The following SLC12A2 variants were observed in gnomAD, a reference collection of about 807,000 sequenced individuals.
SLC12A2 encodes solute carrier family 12 member 2.
SLC12A2 carries 67 observed loss-of-function variants against 136.3 expected under a neutral mutation model. The observed-to-expected ratio is 0.49, with a 90% confidence interval of 0.40 to 0.60. SLC12A2 has a LOEUF of 0.60. Ranked by LOEUF, SLC12A2 falls within the 20% of genes least tolerant of loss-of-function variation. The probability of loss-of-function intolerance (pLI) is 0.00; values close to 1 mark genes in which losing one functional copy is unlikely to be tolerated. For missense variants in SLC12A2, 1,322 were observed against 1,534.7 expected (o/e 0.86, Z 2.32); for synonymous variants, 619 against 562.9 (o/e 1.10, Z -1.41).
At chr5:128,111,808 A>G (rs184856361) in intron 1 of SLC12A2, among the ~76,000 whole-genome samples, 3 of 131,486 alleles carry the variant, frequency 2.3e-5, no homozygotes, top group South Asian at 2.3e-4. Context: ...ATGTGTGTGT[A>G]TATACGTGTG....
chr5:128,122,496 A>G (rs1195073166), intron 4 of SLC12A2, among the ~76,000 whole-genome samples: 1 of 152,192 alleles, frequency 6.6e-6, no homozygotes, highest in Non-Finnish European at 1.5e-5. Flanking sequence ...TAACATTTAC[A>G]TGGATAGTGA....
intron 7 of SLC12A2, among the ~76,000 whole-genome samples, chr5:128,137,010 C>G (rs1350847883): frequency 6.6e-6 from 1 of 152,108 alleles, no homozygotes; most frequent in Non-Finnish European, 1.5e-5. Flanking sequence ...TAATCCTTTC[C>G]TAATCAGTGT....
intron 18 of SLC12A2, chr5:128,168,371 T>G (rs1581131081): frequency 6.6e-6 from 1 of 152,378 alleles, no homozygotes; most frequent in East Asian, 1.9e-4. Flanking sequence ...ATGTTTTGTT[T>G]TTCTACCACT....
chr5:128,135,704 A>T lies in SLC12A2; in HGVS notation c.1304A>T (p.Gln435Leu). ...VAGMEWEAKA[Q>L]IVLLVILLLA... is the part of the protein sequence containing the mutation. ...TTTTAATGTTTAAAATTGCAGGCTC[A>T]GATTGTTCTTTTGGTGATCCTACTT... The change falls in exon 7 of 27, where the codon CAG (glutamine) becomes CTG (leucine). Residue 435 changes from glutamine to leucine, a missense_variant. By Grantham distance (113) the Gln-to-Leu change is moderately radical. Transcript: ENST00000262461. 1.3e-6 allele frequency: 2 copies of T among 1,595,044 alleles called. No homozygotes were observed. The highest frequency in any genetic ancestry group is 1.3e-5 in the African/African-American group (1 of 74,610).
chr5:128,154,083 T>G (rs571334167), intron 15 of SLC12A2, among the ~76,000 whole-genome samples: 3 of 146,100 alleles, frequency 2.1e-5, no homozygotes, highest in Non-Finnish European at 3.0e-5. Flanking sequence ...AAAAAAAACC[T>G]CTTGCTTTGG....
chr5:128,172,087 CA>C (rs1763393317), intron 19 of SLC12A2, among the ~76,000 whole-genome samples: 1 of 152,126 alleles, frequency 6.6e-6, no homozygotes, highest in Non-Finnish European at 1.5e-5. Context: ...ACCACTAAAT[CA>C]TTAGACATTT....
chr5:128,098,611 T>G (rs977109521), intron 1 of SLC12A2, among the ~76,000 whole-genome samples: 1 of 152,022 alleles, frequency 6.6e-6, no homozygotes, highest in Non-Finnish European at 1.5e-5. Flanking sequence ...TTTAAAAATA[T>G]TCTTCTGAAA....
intron 7 of SLC12A2, 72 bp downstream of exon 7, chr5:128,135,880 C>T (rs1762174705): frequency 2.3e-6 from 2 of 866,674 alleles, no homozygotes; most frequent in Non-Finnish European, 3.8e-6. Context: ...AAATTTTGTA[C>T]ATTTCAGATA....
intron 1 of SLC12A2, among the ~76,000 whole-genome samples, chr5:128,111,764 CAAA>C (rs374353989): frequency 3.3e-5 from 2 of 60,236 alleles, no homozygotes; most frequent in African/African-American, 5.5e-5. Flanking sequence ...GACTCCATCT[CAAA>C]AAAAAAAAAA....
chr5:128,107,524 T>G (rs1263922774), intron 1 of SLC12A2, among the ~76,000 whole-genome samples: 1 of 152,150 alleles, frequency 6.6e-6, no homozygotes, highest in Non-Finnish European at 1.5e-5. Context: ...CTCCCACTTA[T>G]GAGTGAGAAC....
In SLC12A2 at chr5:128,084,975, A is replaced by C; in HGVS notation, c.756+265A>C. On this transcript the variant is annotated intron_variant, in intron 1 of 26. Coordinates refer to ENST00000262461, the MANE Select transcript of SLC12A2 (RefSeq NM_001046.3). This position sits in a 1 kb window ranked among gnomAD's most constrained non-coding sequence, Gnocchi z 5.6. Reference sequence around the variant, plus strand: ...CCATCCAGTTAGGTATCTCGTGTGCACTTTCTTTCCCACCCACGCTCAACA... The same window carrying C: ...CCATCCAGTTAGGTATCTCGTGTGCCCTTTCTTTCCCACCCACGCTCAACA... Among the ~76,000 whole-genome samples, 1 of 149,260 alleles carries C rather than the reference A, an allele frequency of 6.7e-6. No individual in the cohort carries two copies. The highest frequency in any genetic ancestry group is 1.5e-5 in the Non-Finnish European group (1 of 67,438).
At position 128,186,510 on chromosome 5, in the gene SLC12A2, C is replaced by A; in HGVS notation, c.3518C>A (p.Ala1173Glu). The change falls in exon 27 of 27, where the codon GCA becomes GAA. Residue 1173 changes from alanine (A) to glutamate (E), a missense_variant. Transcript: ENST00000262461. ...ANIIVMSLPV[A>E]RKGAVSSALY... ...TTTGATACCAGGAGTCTCCCAGTTG[C>A]ACGAAAAGGTGCTGTGTCTAGTGCT... 1 of 1,607,726 alleles carries A rather than the reference C, an allele frequency of 6.2e-7. No homozygotes were observed. The highest frequency in any genetic ancestry group is 1.7e-4 in the Middle Eastern group (1 of 6,034).
intron 4 of SLC12A2, among the ~76,000 whole-genome samples, chr5:128,120,637 C>T (rs1197638521): frequency 6.6e-6 from 1 of 151,410 alleles, no homozygotes; most frequent in Non-Finnish European, 1.5e-5. Context: ...CATGTTCTCA[C>T]TCATAGATGG....
intron 17 of SLC12A2, among the ~76,000 whole-genome samples, chr5:128,167,277 G>A (rs1431720610): frequency 1.3e-5 from 2 of 152,044 alleles, no homozygotes; most frequent in East Asian, 3.8e-4. Flanking sequence ...GAATAACTGA[G>A]GAAGGAAATT....
intron 4 of SLC12A2, among the ~76,000 whole-genome samples, chr5:128,124,821 A>T (rs1761722879): frequency 6.6e-6 from 1 of 152,008 alleles, no homozygotes. Context: ...GAAAGTGCTA[A>T]CCCTCTAATC....
At chr5:128,143,330 G>A (rs1267674761) in intron 10 of SLC12A2, among the ~76,000 whole-genome samples, 1 of 152,018 alleles carries the variant, frequency 6.6e-6, no homozygotes, top group Non-Finnish European at 1.5e-5. Context: ...ATTAGATATG[G>A]CTCATATAAA....
chr5:128,135,135 T>G (rs1007063982), intron 6 of SLC12A2, among the ~76,000 whole-genome samples: 1 of 152,100 alleles, frequency 6.6e-6, no homozygotes, highest in Non-Finnish European at 1.5e-5. Context: ...ATTGAGAGGT[T>G]GAGAGTGGAG....
At chr5:128,168,074 A>G (rs1208581111) in intron 18 of SLC12A2, 3 of 280,776 alleles carry the variant, frequency 1.1e-5, no homozygotes, top group Admixed American at 5.2e-5. Flanking sequence ...ACATACATGC[A>G]TATATATATA....
intron 1 of SLC12A2, among the ~76,000 whole-genome samples, chr5:128,100,307 T>G (rs369263542): frequency 6.6e-6 from 1 of 152,156 alleles, no homozygotes; most frequent in African/African-American, 2.4e-5. Context: ...ACTTCACCTC[T>G]GACCCTCAGT....
Sources: gnomAD v4.1 joint callset for allele counts (sites outside exome capture counted in the v4.1 genomes callset) on GRCh38, gnomAD v4.1.1 for gene constraint, Gnocchi (gnomAD v3.1) non-coding constraint, MANE v1.5 for transcripts, NCBI Gene and HGNC (gene_info 2026-07-23, HGNC 2026-07-21) for gene names.